NKAIN2: variants seen among roughly 807,000 people sequenced by gnomAD.
NKAIN2 encodes the protein sodium/potassium transporting ATPase interacting 2.
In NKAIN2, 14 loss-of-function variants were observed where a neutral mutation model predicts 32.6. The ratio of observed to expected loss-of-function variants is 0.43; its 90% CI spans 0.28 to 0.67. The LOEUF is 0.67. Ranked by LOEUF, NKAIN2 falls within the 30% of genes least tolerant of loss-of-function variation. The pLI, the probability that NKAIN2 is intolerant of heterozygous loss-of-function variation, is 0.17. For synonymous variants in NKAIN2, 80 were observed against 87.2 expected (o/e 0.92, Z 0.46); for missense variants, 198 against 258.3 (o/e 0.77, Z 1.60).
At chr6:123,809,185 C>T (rs1268769385) in intron 1 of NKAIN2, among the ~76,000 whole-genome samples, 1 of 151,998 alleles carries the variant, frequency 6.6e-6, no homozygotes, top group Non-Finnish European at 1.5e-5. Flanking sequence ...AAATGAAACA[C>T]ACACATAGGA....
chr6:124,474,677 T>C (rs1006129945), intron 3 of NKAIN2, among the ~76,000 whole-genome samples: 3 of 151,764 alleles, frequency 2.0e-5, no homozygotes, highest in African/African-American at 7.2e-5. Flanking sequence ...ATATTTTTTA[T>C]ATAAATTTTG....
intron 3 of NKAIN2, among the ~76,000 whole-genome samples, chr6:124,587,459 C>A (rs924398411): frequency 2.0e-5 from 3 of 152,128 alleles, no homozygotes; most frequent in African/African-American, 7.2e-5. Context: ...ACCTCGTGAT[C>A]CGCCTGGTTT....
At chr6:124,280,183 T>C (rs1252355898) in intron 1 of NKAIN2, among the ~76,000 whole-genome samples, 2 of 151,828 alleles carry the variant, frequency 1.3e-5, no homozygotes, top group African/African-American at 2.4e-5. Flanking sequence ...ATTAAAGAGG[T>C]CCCCATGGGC....
At chr6:123,878,226 C>CA (rs72551956) in intron 1 of NKAIN2, among the ~76,000 whole-genome samples, 94,530 of 149,120 alleles carry the variant, frequency 0.63, 30,418 homozygotes, top group African/African-American at 0.76. Flanking sequence ...AACTCCATCT[C>CA]AAAAAAAAAA....
At chr6:124,102,937 C>A (rs543633068) in intron 1 of NKAIN2, among the ~76,000 whole-genome samples, 19 of 151,910 alleles carry the variant, frequency 1.3e-4, no homozygotes, top group Non-Finnish European at 1.8e-4. Context: ...TTTGATCGAT[C>A]GATTATCTGC....
At chr6:124,453,988 T>C (rs1776220739) in intron 3 of NKAIN2, among the ~76,000 whole-genome samples, 1 of 152,054 alleles carries the variant, frequency 6.6e-6, no homozygotes, top group African/African-American at 2.4e-5. Context: ...TGATCAAAGT[T>C]ATTCAGTAAA....
intron 1 of NKAIN2, among the ~76,000 whole-genome samples, chr6:124,054,318 A>G (rs2114840756): frequency 6.6e-6 from 1 of 152,180 alleles, no homozygotes; most frequent in African/African-American, 2.4e-5. Context: ...GTAAAATAGG[A>G]CAGAGTAGGT....
intron 1 of NKAIN2, among the ~76,000 whole-genome samples, chr6:123,940,930 G>C (rs57914582): frequency 0.047 from 7,091 of 151,752 alleles, 533 homozygotes; most frequent in African/African-American, 0.16. Context: ...TTAAACTTTT[G>C]ATTCTTTTGT....
intron 3 of NKAIN2, among the ~76,000 whole-genome samples, chr6:124,432,293 A>T (rs1011025416): frequency 2.6e-5 from 4 of 152,188 alleles, no homozygotes; most frequent in African/African-American, 9.6e-5. Context: ...CAGGCAGGCA[A>T]CATGGGCTTG....
intron 1 of NKAIN2, among the ~76,000 whole-genome samples, chr6:124,160,355 G>A (rs1007137722): frequency 6.6e-6 from 1 of 152,072 alleles, no homozygotes; most frequent in Non-Finnish European, 1.5e-5. Context: ...GCTGTCAAGA[G>A]GGTCCAAGAG....
intron 3 of NKAIN2, among the ~76,000 whole-genome samples, chr6:124,427,167 C>T (rs1775018722): frequency 6.6e-6 from 1 of 151,894 alleles, no homozygotes; most frequent in Admixed American, 6.6e-5. Context: ...GGTATTTGCC[C>T]AAGAGAAAAT....
intron 1 of NKAIN2, among the ~76,000 whole-genome samples, chr6:124,086,821 T>C (rs1372151236): frequency 6.6e-6 from 1 of 151,908 alleles, no homozygotes; most frequent in South Asian, 2.1e-4. Context: ...CACCAGGCCA[T>C]GATGGGTGGT....
rs1330155479 is a variant in NKAIN2 at position 124,388,848 on chromosome 6, CT to C, written c.273+33508del. Among the ~76,000 whole-genome samples, 9 of 151,940 alleles carry C rather than the reference CT, an allele frequency of 5.9e-5. No homozygotes were observed. The East Asian group carries it at 1.7e-3, about 29-fold the overall frequency. On this transcript the variant is annotated intron_variant, in intron 3 of 6. Transcript: ENST00000368417. ...TAGTGCCATTTTTGGCATTTTTATG[CT>C]TTTTTTGTCAGTGATTTTCCTGATT...
intron 3 of NKAIN2, among the ~76,000 whole-genome samples, chr6:124,554,338 T>C (rs1780397730): frequency 6.6e-6 from 1 of 152,216 alleles, no homozygotes; most frequent in Admixed American, 6.5e-5. Context: ...CGGTGTGAAA[T>C]GTTTTTAAGC....
chr6:124,794,111 C>CT (rs1259482493), intron 5 of NKAIN2, among the ~76,000 whole-genome samples: 1 of 152,186 alleles, frequency 6.6e-6, no homozygotes, highest in African/African-American at 2.4e-5. Flanking sequence ...TTAGAGCTAT[C>CT]TAAAATCTCC....
chr6:124,718,384 A>G (rs964318502), intron 4 of NKAIN2, among the ~76,000 whole-genome samples: 1 of 152,146 alleles, frequency 6.6e-6, no homozygotes. Flanking sequence ...TTCAAAGTTC[A>G]TTCATGTCAT....
At chr6:124,814,237 A>G (rs1262595353) in intron 5 of NKAIN2, among the ~76,000 whole-genome samples, 2 of 152,186 alleles carry the variant, frequency 1.3e-5, no homozygotes, top group Non-Finnish European at 2.9e-5. Context: ...CTTCTCCCTG[A>G]GGTCTTTAGG....
intron 3 of NKAIN2, among the ~76,000 whole-genome samples, chr6:124,443,585 A>G (rs9372778): frequency 0.68 from 102,853 of 151,784 alleles, 37,560 homozygotes; most frequent in South Asian, 0.81. Context: ...AAACCTGCAA[A>G]TTATAGGGGG....
intron 2 of NKAIN2, among the ~76,000 whole-genome samples, chr6:124,324,059 G>C (rs1797317266): frequency 6.6e-6 from 1 of 152,032 alleles, no homozygotes; most frequent in Admixed American, 6.5e-5. Context: ...CCAAAGTGCT[G>C]GGATTACAGG....
Sources: allele counts gnomAD v4.1 joint callset (sites outside exome capture counted in the v4.1 genomes callset), GRCh38; gene constraint gnomAD v4.1.1; transcripts MANE v1.5; gene names NCBI Gene and HGNC (gene_info 2026-07-23, HGNC 2026-07-21).